The following GPRC5B variants were observed in gnomAD, a reference collection of about 807,000 sequenced individuals.
GPRC5B encodes G protein-coupled receptor family C group 5 member B.
Under a neutral mutation model 30.1 loss-of-function variants are expected in GPRC5B, and 16 were observed. The ratio of observed to expected loss-of-function variants is 0.53; its 90% CI spans 0.36 to 0.81. The LOEUF is 0.81. GPRC5B is among the 30% of genes least tolerant of loss of function. GPRC5B has a pLI of 0.01. For missense variants in GPRC5B, 428 were observed against 544.7 expected, an observed-to-expected ratio of 0.79 and a Z score of 2.13; for synonymous variants, 241 against 239.5, an observed-to-expected ratio of 1.01 and a Z score of -0.06.
intron 2 of GPRC5B, among the ~76,000 whole-genome samples, chr16:19,863,069 A>T (rs182245136): frequency 3.9e-5 from 6 of 152,322 alleles, no homozygotes; most frequent in Admixed American, 3.3e-4. Flanking sequence ...ACCAGGAGCC[A>T]GGCACTGTGC....
intron 1 of GPRC5B, among the ~76,000 whole-genome samples, chr16:19,877,936 C>T (rs952828608): frequency 2.0e-5 from 3 of 151,774 alleles, no homozygotes; most frequent in Non-Finnish European, 4.4e-5. Flanking sequence ...CAGTGGCTCA[C>T]GCCTGTAATC....
At chr16:19,873,491 G>T (rs1020459087) in intron 1 of GPRC5B, among the ~76,000 whole-genome samples, 1 of 148,582 alleles carries the variant, frequency 6.7e-6, no homozygotes, top group South Asian at 2.1e-4. Flanking sequence ...ACCAAAGAAA[G>T]AAAAATAAGG....
chr16:19,864,380 T>C (rs1188185006), intron 2 of GPRC5B, among the ~76,000 whole-genome samples: 1 of 152,288 alleles, frequency 6.6e-6, no homozygotes, highest in Non-Finnish European at 1.5e-5. Flanking sequence ...GCCTTGTTAA[T>C]GCTTTCCAAG....
Position 19,857,891 on chromosome 16 carries a change from G to A in GPRC5B, c.*2609C>T, listed in dbSNP as rs1056961561. On this transcript the variant is annotated 3_prime_UTR_variant, in exon 4 of 4. Coordinates refer to ENST00000300571, the MANE Select transcript of GPRC5B (RefSeq NM_016235.3). ...CTCTTCCCACCCTCCACCTCCAGTG[G>A]GGAGAAATCCAGGCTAGAATGACAA... The A allele has an allele frequency of 6.5e-6, 1 of 153,126 alleles. No homozygotes were observed. The highest frequency in any genetic ancestry group is 1.5e-5 in the Non-Finnish European group (1 of 68,894). 9.5% of individuals were successfully genotyped at this position (153,126 alleles called of 1,614,324 possible). A position where few individuals can be genotyped will look rare whatever the true frequency, so the allele number is the denominator to read the frequency against.
At chr16:19,867,215 G>A (rs879344290) in intron 2 of GPRC5B, among the ~76,000 whole-genome samples, 32 of 152,196 alleles carry the variant, frequency 2.1e-4, no homozygotes, top group Non-Finnish European at 4.1e-4. Context: ...GGAGAGGAGG[G>A]TAATTCCATG....
chr16:19,875,881 A>T (rs559886355), intron 1 of GPRC5B, among the ~76,000 whole-genome samples: 1 of 152,324 alleles, frequency 6.6e-6, no homozygotes, highest in African/African-American at 2.4e-5. Flanking sequence ...GAGAAACATC[A>T]TCCTAGCACA....
In GPRC5B at chr16:19,872,745, G is replaced by A. The variant is rs757869983; in HGVS notation, c.101C>T (p.Ser34Phe). ...TSVASENAST[S>F]RGCGLDLLPQ... Reference sequence around the variant, plus strand: ...GAGGAGGTCCAGCCCACAGCCTCGGGATGTGCTGGCGTTTTCAGAGGCCAC... The same window carrying A: ...GAGGAGGTCCAGCCCACAGCCTCGGAATGTGCTGGCGTTTTCAGAGGCCAC... The change falls in exon 2 of 4, where the codon TCC (serine) becomes TTC (phenylalanine). Residue 34 changes from serine (S) to phenylalanine (F), a missense_variant. By Grantham distance (155) the Ser-to-Phe change is radical (BLOSUM62 -2). Coordinates refer to ENST00000300571, the MANE Select transcript of GPRC5B (RefSeq NM_016235.3). The surrounding 1 kb of genome is among the most constrained non-coding windows in gnomAD (Gnocchi z 5.0). 1 of 1,613,680 alleles carries A rather than the reference G, an allele frequency of 6.2e-7. No homozygotes were observed. The highest frequency in any genetic ancestry group is 8.5e-7 in the Non-Finnish European group (1 of 1,179,892).
At chr16:19,862,281 G>C (rs774696761) in intron 2 of GPRC5B, 4 of 340,732 alleles carry the variant, frequency 1.2e-5, no homozygotes, top group African/African-American at 2.1e-5. Context: ...GGTGACAGGC[G>C]CCTTCTCACT....
chr16:19,881,048 G>A (rs563874584), intron 1 of GPRC5B: 5 of 152,128 alleles, frequency 3.3e-5, no homozygotes, highest in Non-Finnish European at 4.4e-5. Flanking sequence ...GTGGATTTCC[G>A]AGCCCTGTGC....
intron 2 of GPRC5B, among the ~76,000 whole-genome samples, chr16:19,864,482 G>A (rs1031870056): frequency 6.6e-6 from 1 of 152,244 alleles, no homozygotes; most frequent in African/African-American, 2.4e-5. Context: ...GCAGCAGGTG[G>A]GTGAAGTTGT....
intron 1 of GPRC5B, among the ~76,000 whole-genome samples, chr16:19,875,036 C>T (rs751100896): frequency 2.0e-5 from 3 of 152,160 alleles, no homozygotes; most frequent in South Asian, 2.1e-4. Flanking sequence ...GGCTCCAGTA[C>T]GTCCCTGGGG....
Position 19,858,644 on chromosome 16 carries a change from G to A in GPRC5B, c.*1856C>T, listed in dbSNP as rs934498277. ...CAGAATACCGGGTCCGCATGCAACCGCCCCCACCCCCACCCCAGGTCCTAG... is the reference window on the plus strand; with the variant it reads ...CAGAATACCGGGTCCGCATGCAACCACCCCCACCCCCACCCCAGGTCCTAG... On this transcript the variant is annotated 3_prime_UTR_variant, in exon 4 of 4. Coordinates refer to ENST00000300571, the MANE Select transcript of GPRC5B (RefSeq NM_016235.3). The A allele has an allele frequency of 1.5e-5, 8 of 531,356 alleles. No homozygotes were observed. Among genetic ancestry groups the A allele is most frequent in the Middle Eastern group, 7.2e-4 (2 of 2,778 alleles). 32.9% of individuals were successfully genotyped at this position (531,356 alleles called of 1,614,324 possible).
At chr16:19,860,741 TAAC>T (rs2056614549) in intron 3 of GPRC5B, among the ~76,000 whole-genome samples, 197 bp from the exon 4 acceptor site, 1 of 152,188 alleles carries the variant, frequency 6.6e-6, no homozygotes. Flanking sequence ...CCCTTTTCTA[TAAC>T]CATCCACCCG....
chr16:19,867,938 G>A (rs6497417), intron 2 of GPRC5B, among the ~76,000 whole-genome samples: 95,019 of 151,934 alleles, frequency 0.63, 30,450 homozygotes, highest in African/African-American at 0.78. Context: ...TCAAGTGTCC[G>A]TCTCAAGTAG....
intron 2 of GPRC5B, among the ~76,000 whole-genome samples, chr16:19,871,127 T>TA (rs2056713960): frequency 6.7e-6 from 1 of 149,210 alleles, no homozygotes; most frequent in Non-Finnish European, 1.5e-5. Flanking sequence ...CTAAAAAGAA[T>TA]AAAAAAAGTA....
chr16:19,874,500 G>A (rs1335460409), intron 1 of GPRC5B, among the ~76,000 whole-genome samples: 1 of 152,212 alleles, frequency 6.6e-6, no homozygotes, highest in African/African-American at 2.4e-5. Context: ...AGACGTGGCA[G>A]GGCAGGGACA....
intron 1 of GPRC5B, among the ~76,000 whole-genome samples, chr16:19,880,280 C>T (rs2056794244): frequency 6.7e-6 from 1 of 149,824 alleles, no homozygotes; most frequent in Non-Finnish European, 1.5e-5. Flanking sequence ...GGTGTTGTAA[C>T]GAGGTGGCTC....
At chr16:19,877,299 C>T (rs1033158697) in intron 1 of GPRC5B, among the ~76,000 whole-genome samples, 1 of 152,196 alleles carries the variant, frequency 6.6e-6, no homozygotes, top group African/African-American at 2.4e-5. Context: ...CTGTCACTTA[C>T]CAACAAAGAA....
Position 19,858,915 on chromosome 16 carries a change from T to G in GPRC5B, c.*1585A>C. The G allele has an allele frequency of 1.0e-5, 2 of 193,280 alleles. No homozygotes were observed. Among genetic ancestry groups the G allele is most frequent in the African/African-American group, 2.3e-5 (1 of 43,178 alleles). The allele number at this position is 193,280 out of a possible 1,614,324, so 12.0% of individuals were successfully genotyped here. On this transcript the variant is annotated 3_prime_UTR_variant, in exon 4 of 4. Coordinates refer to ENST00000300571, the MANE Select transcript of GPRC5B (RefSeq NM_016235.3). ...CAGGGAGGGCCAGATTGGCCTTACTTTCCCCAGTGCTTTGCAAGGATGGGG... is the reference window on the plus strand; with the variant it reads ...CAGGGAGGGCCAGATTGGCCTTACTGTCCCCAGTGCTTTGCAAGGATGGGG...
Sources: allele counts gnomAD v4.1 joint callset (sites outside exome capture counted in the v4.1 genomes callset), GRCh38; gene constraint gnomAD v4.1.1; non-coding constraint Gnocchi (gnomAD v3.1); transcripts MANE v1.5; gene names NCBI Gene and HGNC (gene_info 2026-07-23, HGNC 2026-07-21).